Variants in METTL5 observed in about 807,000 individuals in gnomAD.
METTL5 encodes rRNA N(6)-adenosine-methyltransferase METTL5.
Under a neutral mutation model 26.5 loss-of-function variants are expected in METTL5, and 28 were observed. The ratio of observed to expected loss-of-function variants is 1.06; its 90% CI spans 0.78 to 1.45. The LOEUF is 1.45. Ranked by LOEUF, METTL5 falls within the 40% of genes most tolerant of loss-of-function variation. The pLI is 0.00. For synonymous variants in METTL5, 86 were observed against 82.6 expected, an observed-to-expected ratio of 1.04 and a Z score of -0.22; for missense variants, 231 against 249.9, an observed-to-expected ratio of 0.92 and a Z score of 0.51.
At chr2:169,819,708 A>G (rs1417059732) in intron 3 of METTL5, 65 bp from the exon 4 acceptor site, 2 of 1,145,204 alleles carry the variant, frequency 1.7e-6, no homozygotes, top group South Asian at 1.4e-5. Flanking sequence ...AGTTAGTAGG[A>G]TTTAGAAATA....
At position 169,824,656 on chromosome 2, in the gene METTL5, T is replaced by C. The variant is rs2081629360; in HGVS notation, c.-59A>G. On this transcript the variant is annotated 5_prime_UTR_variant, in exon 1 of 7. Coordinates refer to ENST00000260953, the MANE Select transcript of METTL5 (RefSeq NM_014168.4). ...GGCACAGGATCTGCGGAGAAATCTA[T>C]TGAACTGGGATCTTGTTTCCTCCCT... 2 of 1,331,322 alleles carry C rather than the reference T, an allele frequency of 1.5e-6. No individual in the cohort carries two copies. The highest frequency in any genetic ancestry group is 1.1e-6 in the Non-Finnish European group (1 of 922,778). The allele number at this position is 1,331,322 out of a possible 1,614,324, so 82.5% of individuals were successfully genotyped here. A position where few individuals can be genotyped will look rare whatever the true frequency, so the allele number is the denominator to read the frequency against.
At chr2:169,815,456 T>C in intron 5 of METTL5, 21 bp downstream of exon 5, 1 of 1,564,638 alleles carries the variant, frequency 6.4e-7, no homozygotes, top group African/African-American at 1.4e-5. Flanking sequence ...TTTTGGATAT[T>C]AGGATTGAGA....
In METTL5 at chr2:169,813,350, T is replaced by C. The variant is rs559413013; in HGVS notation, c.542-844A>G. Among the ~76,000 whole-genome samples, 7 of 151,632 alleles carry C rather than the reference T, an allele frequency of 4.6e-5. No individual in the cohort carries two copies. The South Asian group carries it at 1.3e-3, about 27-fold the overall frequency. On this transcript the variant is annotated intron_variant, in intron 5 of 6. Coordinates refer to ENST00000260953, the MANE Select transcript of METTL5 (RefSeq NM_014168.4). ...TTCACTATGTTAGCCAGGATGGTCT[T>C]GATCTCCTGACCTCAAGATCTGCCC...
Position 169,819,197 on chromosome 2 carries a change from T to C in METTL5, c.489+364A>G, listed in dbSNP as rs76659710. 7.2e-5 allele frequency among the ~76,000 whole-genome samples: 11 copies of C among 152,312 alleles called. No individual in the cohort carries two copies. In the East Asian group the frequency reaches 1.9e-3, roughly 27 times the overall value. ...GCTCAAGTGTTCTGAAAACCTGGCC[T>C]TACTGCCTCCCTTAAGTACATCAGG... On this transcript the variant is annotated intron_variant, in intron 4 of 6. Coordinates refer to ENST00000260953, the MANE Select transcript of METTL5 (RefSeq NM_014168.4).
intron 2 of METTL5, 131 bp from the exon 3 acceptor site, chr2:169,821,404 T>C (rs1573972879): frequency 2.9e-6 from 2 of 679,876 alleles, no homozygotes; most frequent in East Asian, 5.8e-5. Flanking sequence ...GTGAGTGTTT[T>C]CTTCTTTTTT....
intron 4 of METTL5, among the ~76,000 whole-genome samples, chr2:169,816,419 G>A (rs1255724943): frequency 6.6e-6 from 1 of 152,122 alleles, no homozygotes; most frequent in African/African-American, 2.4e-5. Context: ...AGCGACCACT[G>A]ACTTTCTTCA....
chr2:169,814,468 C>CAAAAACAAAAAAA (rs1553483338), intron 5 of METTL5, among the ~76,000 whole-genome samples: 3 of 57,542 alleles, frequency 5.2e-5, no homozygotes. Context: ...GGCTTTGTCT[C>CAAAAACAAAAAAA]AAAAAAAAAA....
chr2:169,824,682 AC>A lies in METTL5; in HGVS notation c.-86del. On this transcript the variant is annotated 5_prime_UTR_variant, in exon 1 of 7. Transcript: ENST00000260953. ...TGAACTGGGATCTTGTTTCCTCCCT[AC>A]CCCCAACCTTCTCCCTTTTTCAGCA... 3.6e-6 allele frequency: 4 copies of A among 1,096,638 alleles called. No homozygotes were observed. The highest frequency in any genetic ancestry group is 5.6e-6 in the Non-Finnish European group (4 of 715,074). The allele number at this position is 1,096,638 out of a possible 1,614,324, so 67.9% of individuals were successfully genotyped here.
At chr2:169,821,625 A>C (rs974658390) in intron 2 of METTL5, among the ~76,000 whole-genome samples, 4 of 152,076 alleles carry the variant, frequency 2.6e-5, no homozygotes, top group African/African-American at 9.7e-5. Context: ...GGCTCAAGTA[A>C]TCTGTCCACC....
chr2:169,820,995 A>G (rs1171072979), intron 3 of METTL5, 97 bp downstream of exon 3: 20 of 1,012,126 alleles, frequency 2.0e-5, no homozygotes, highest in South Asian at 1.8e-4. Flanking sequence ...CTCGCAAAGC[A>G]CTGGCATTAC....
rs1286315938 is a variant in METTL5 at position 169,824,529 on chromosome 2, C to T, written c.69G>A (p.Lys23=). The T allele has an allele frequency of 6.2e-7, 1 of 1,614,178 alleles. No individual in the cohort carries two copies. Among genetic ancestry groups the T allele is most frequent in the East Asian group, 2.2e-5 (1 of 44,884 alleles). The change falls in exon 1 of 7, where the codon AAG becomes AAA. Residue 23 remains lysine (K), a synonymous_variant. Transcript: ENST00000260953. ...TGGTAGGATACTGTTCCAGAAGTAG[C>T]TTGGGCTTTTCAAATCCATCCACTT... ...LQQVDGFEKP[K]LLLEQYPTRP...
At chr2:169,811,929 G>A (rs1689973009) in intron 6 of METTL5, 71 bp from the exon 7 acceptor site, 7 of 1,503,266 alleles carry the variant, frequency 4.7e-6, no homozygotes, top group South Asian at 3.5e-5. Context: ...TTCTTTGAAT[G>A]TATTGTTCTG....
intron 2 of METTL5, 65 bp downstream of exon 2, chr2:169,821,878 T>G: frequency 7.1e-7 from 1 of 1,410,008 alleles, no homozygotes; most frequent in East Asian, 2.3e-5. Flanking sequence ...ATAATTCAGT[T>G]AATCCCATTG....
At chr2:169,822,189 T>A in intron 1 of METTL5, 132 bp from the exon 2 acceptor site, 1 of 1,305,036 alleles carries the variant, frequency 7.7e-7, no homozygotes, top group East Asian at 2.6e-5. Context: ...CCAGATTATT[T>A]TTGTAAAAGA....
At chr2:169,821,405 CTTCTT>C in intron 2 of METTL5, 132 bp from the exon 3 acceptor site, 1 of 661,878 alleles carries the variant, frequency 1.5e-6, no homozygotes, top group Non-Finnish European at 2.5e-6. Flanking sequence ...TGAGTGTTTT[CTTCTT>C]TTTTTTTTTC....
In METTL5 at chr2:169,824,489, C is replaced by T. The variant is rs1022304807; in HGVS notation, c.109G>A (p.Ala37Thr). 2.5e-6 allele frequency: 4 copies of T among 1,613,150 alleles called. No individual in the cohort carries two copies. Among genetic ancestry groups the T allele is most frequent in the Non-Finnish European group, 3.4e-6 (4 of 1,179,066 alleles). Residue 37 changes from alanine to threonine, a missense_variant and splice_region_variant, in exon 1 of 7, where the codon GCA (alanine) becomes ACA (threonine). Transcript: ENST00000260953. ...EQYPTRPHIAACMLYTIHNTY... is the reference protein window; with the variant it reads ...EQYPTRPHIATCMLYTIHNTY... ...GGGCGTGGTGAACCAGCCGCCCTACCTGCAATGTGCGGCCTGGTAGGATAC... is the reference window on the plus strand; with the variant it reads ...GGGCGTGGTGAACCAGCCGCCCTACTTGCAATGTGCGGCCTGGTAGGATAC...
chr2:169,821,468 G>A (rs1385825237), intron 2 of METTL5, among the ~76,000 whole-genome samples, 195 bp from the exon 3 acceptor site: 4 of 150,740 alleles, frequency 2.7e-5, no homozygotes, highest in African/African-American at 7.3e-5. Flanking sequence ...GTGTAGTGGT[G>A]CCATCTTGCA....
At chr2:169,818,641 C>T (rs1243182627) in intron 4 of METTL5, among the ~76,000 whole-genome samples, 1 of 152,108 alleles carries the variant, frequency 6.6e-6, no homozygotes, top group African/African-American at 2.4e-5. Flanking sequence ...TATCACATTA[C>T]CATGTAACTA....
rs1229560772 is a variant in METTL5, at chr2:169,824,500, G to C, written c.98C>G (p.Pro33Arg). 1 of 1,613,860 alleles carries C rather than the reference G, an allele frequency of 6.2e-7. No individual in the cohort carries two copies. The highest frequency in any genetic ancestry group is 8.5e-7 in the Non-Finnish European group (1 of 1,179,778). Reference sequence around the variant, plus strand: ...ACCAGCCGCCCTACCTGCAATGTGCGGCCTGGTAGGATACTGTTCCAGAAG... The same window carrying C: ...ACCAGCCGCCCTACCTGCAATGTGCCGCCTGGTAGGATACTGTTCCAGAAG... ...KLLLEQYPTRPHIAACMLYTI... is the reference protein window; with the variant it reads ...KLLLEQYPTRRHIAACMLYTI... Residue 33 changes from proline (P) to arginine (R), a missense_variant, in exon 1 of 7, where the codon CCG becomes CGG. Transcript: ENST00000260953.
Sources: allele counts gnomAD v4.1 joint callset (sites outside exome capture counted in the v4.1 genomes callset), GRCh38; gene constraint gnomAD v4.1.1; transcripts MANE v1.5; gene names NCBI Gene and HGNC (gene_info 2026-07-23, HGNC 2026-07-21).